Variants in DNAH12 observed in about 807,000 individuals in gnomAD.
DNAH12 encodes dynein axonemal heavy chain 12.
DNAH12 carries 285 observed loss-of-function variants against 371.5 expected under a neutral mutation model. The ratio of observed to expected loss-of-function variants is 0.77; its 90% CI spans 0.70 to 0.85. The LOEUF (loss-of-function observed/expected upper bound fraction) is 0.85. DNAH12 is among the 40% of genes least tolerant of loss of function. The pLI is 0.00. For missense variants in DNAH12, 3,611 were observed against 3,689.4 expected (o/e 0.98, Z 0.55); for synonymous variants, 1,200 against 1,213.0 (o/e 0.99, Z 0.22).
chr3:57,450,974 C>T (rs367821315), intron 25 of DNAH12, among the ~76,000 whole-genome samples: 11 of 152,336 alleles, frequency 7.2e-5, no homozygotes, highest in African/African-American at 2.6e-4. Flanking sequence ...TGACATTAAA[C>T]GGGTACAAAA....
intron 25 of DNAH12, among the ~76,000 whole-genome samples, chr3:57,448,399 G>A (rs968924904): frequency 4.7e-4 from 72 of 151,972 alleles, no homozygotes; most frequent in Admixed American, 3.8e-3. Context: ...GAGAGAAGCT[G>A]CAGACCTTCG....
At chr3:57,551,961 C>T in the DNAH12 span, among the ~76,000 whole-genome samples, 2 of 148,444 alleles carry the variant, frequency 1.3e-5, no homozygotes, top group East Asian at 2.0e-4. Flanking sequence ...GATGGGGTCT[C>T]GGGCCAGGCA....
At chr3:57,535,282 GA>G (rs2068990420) in intron 2 of DNAH12, among the ~76,000 whole-genome samples, 1 of 152,180 alleles carries the variant, frequency 6.6e-6, no homozygotes, top group Non-Finnish European at 1.5e-5. Flanking sequence ...CCTCATGAAT[GA>G]ATTAATGGGT....
intron 65 of DNAH12, among the ~76,000 whole-genome samples, chr3:57,321,284 C>T (rs569643169): frequency 3.8e-4 from 58 of 152,160 alleles, no homozygotes; most frequent in Admixed American, 2.9e-3. Flanking sequence ...AAAATTATGG[C>T]GCAGAACTAG....
chr3:57,501,417 A>G lies in DNAH12; in HGVS notation c.1244-5T>C. The G allele has an allele frequency of 6.3e-7, 1 of 1,575,188 alleles. No homozygotes were observed. The highest frequency in any genetic ancestry group is 8.6e-7 in the Non-Finnish European group (1 of 1,165,786). On this transcript the variant is annotated splice_region_variant and splice_polypyrimidine_tract_variant and intron_variant, in intron 10 of 73. Coordinates refer to ENST00000495027, the MANE Select transcript of DNAH12 (RefSeq NM_001366028.2). ...GGAGCCAATTATATTTTTCAACTGAAAATTAATAATCTAATTAAAATCTCA... is the reference window on the plus strand; with the variant it reads ...GGAGCCAATTATATTTTTCAACTGAGAATTAATAATCTAATTAAAATCTCA...
intron 13 of DNAH12, among the ~76,000 whole-genome samples, chr3:57,481,116 G>T (rs576565390): frequency 2.0e-3 from 311 of 152,316 alleles, no homozygotes; most frequent in Non-Finnish European, 2.8e-3. Context: ...GTTAGGAAAA[G>T]AGGAAGTCAA....
chr3:57,443,148 C>T (rs928682114), intron 29 of DNAH12, among the ~76,000 whole-genome samples: 3 of 152,090 alleles, frequency 2.0e-5, no homozygotes, highest in South Asian at 2.1e-4. Context: ...CTTGCTCTGT[C>T]GCACAGGCTG....
At chr3:57,429,471 C>T (rs2064888868) in intron 33 of DNAH12, among the ~76,000 whole-genome samples, 1 of 152,200 alleles carries the variant, frequency 6.6e-6, no homozygotes, top group Non-Finnish European at 1.5e-5. Context: ...CCACCGTGCC[C>T]AGCCATCCTC....
intron 13 of DNAH12, among the ~76,000 whole-genome samples, chr3:57,482,186 A>G (rs1051391968): frequency 6.6e-6 from 1 of 152,206 alleles, no homozygotes; most frequent in African/African-American, 2.4e-5. Flanking sequence ...ACAAAGGGCT[A>G]ATATCCAGAA....
intron 2 of DNAH12, among the ~76,000 whole-genome samples, chr3:57,534,725 T>G (rs949319823): frequency 6.6e-6 from 1 of 152,114 alleles, no homozygotes; most frequent in African/African-American, 2.4e-5. Context: ...GATAGTCTGG[T>G]CTCGAACTCC....
intron 13 of DNAH12, among the ~76,000 whole-genome samples, chr3:57,480,739 T>C (rs1195838949): frequency 2.0e-5 from 3 of 152,266 alleles, no homozygotes; most frequent in South Asian, 4.2e-4. Context: ...GTGGGTTTCA[T>C]CCCTAGGATG....
chr3:57,379,611 C>G (rs1177543181), intron 51 of DNAH12, among the ~76,000 whole-genome samples: 1 of 151,904 alleles, frequency 6.6e-6, no homozygotes, highest in African/African-American at 2.4e-5. Context: ...GAGGCCAAGG[C>G]TGGCAGATCA....
chr3:57,411,526 C>CAAAAAAAA (rs57344840), intron 39 of DNAH12, among the ~76,000 whole-genome samples: 164 of 38,850 alleles, frequency 4.2e-3, no homozygotes, highest in Non-Finnish European at 7.1e-3. Flanking sequence ...GACACTGTCT[C>CAAAAAAAA]AAAAAAAAAA....
chr3:57,302,556 T>G lies in DNAH12; in HGVS notation c.11190-617A>C, dbSNP rs1559535343. 8.7e-4 allele frequency among the ~76,000 whole-genome samples: 86 copies of G among 99,312 alleles called. 3 individuals are homozygous for G. The highest frequency in any genetic ancestry group is 3.0e-3 in the African/African-American group (79 of 25,928). The allele number at this position is 99,312 out of a possible 152,430, so 65.2% of individuals were successfully genotyped here. On this transcript the variant is annotated intron_variant, in intron 69 of 73. Transcript: ENST00000495027. ...ATATATATATATATATATATATATA[T>G]ATATATATGTATTTTTTTTTTTTTT...
chr3:57,428,782 G>C lies in DNAH12; in HGVS notation c.5104C>G (p.Pro1702Ala). 1 of 1,547,708 alleles carries C rather than the reference G, an allele frequency of 6.5e-7. No homozygotes were observed. Among genetic ancestry groups the C allele is most frequent in the East Asian group, 2.4e-5 (1 of 40,868 alleles). ...VSRCGMIYLE[P>A]SQLGWEPLVS... ...AGTGGTTCCCATCCTAACTGTGAAG[G>C]CTCCAAATAAATCATACCACAACGA... Residue 1702 changes from proline (P) to alanine (A), a missense_variant, in exon 34 of 74, where the codon CCT becomes GCT. Physicochemically the swap from Pro to Ala is conservative, Grantham distance 27 (BLOSUM62 -1). Around this residue, in one of 3 missense-constraint regions of DNAH12, gnomAD observed 2,266 missense variants for 2,236.9 expected, o/e 1.01. Coordinates refer to ENST00000495027, the MANE Select transcript of DNAH12 (RefSeq NM_001366028.2).
chr3:57,416,989 G>A (rs995056539), intron 37 of DNAH12, among the ~76,000 whole-genome samples: 3 of 152,128 alleles, frequency 2.0e-5, no homozygotes, highest in South Asian at 2.1e-4. Context: ...GGTGGCACAC[G>A]CCTGTAATCC....
At chr3:57,416,720 T>C (rs2064387502) in intron 37 of DNAH12, among the ~76,000 whole-genome samples, 1 of 152,072 alleles carries the variant, frequency 6.6e-6, no homozygotes, top group Non-Finnish European at 1.5e-5. Context: ...TTTAAATCAA[T>C]TCAATTACAA....
intron 8 of DNAH12, among the ~76,000 whole-genome samples, chr3:57,505,454 G>A (rs1190175098): frequency 1.3e-5 from 2 of 151,860 alleles, no homozygotes; most frequent in Non-Finnish European, 2.9e-5. Context: ...TTTTGTTTTT[G>A]TTTTGAGACA....
intron 4 of DNAH12, among the ~76,000 whole-genome samples, chr3:57,515,128 T>TGA (rs1196605214): frequency 2.6e-5 from 4 of 151,184 alleles, no homozygotes; most frequent in Non-Finnish European, 4.4e-5. Context: ...CCATGGGTTT[T>TGA]GAGAGAGAGA....
Sources: allele counts gnomAD v4.1 joint callset (sites outside exome capture counted in the v4.1 genomes callset), GRCh38; gene constraint gnomAD v4.1.1; regional missense constraint gnomAD v4.1.1; transcripts MANE v1.5; gene names NCBI Gene and HGNC (gene_info 2026-07-23, HGNC 2026-07-21).